Variants in GRID2 observed in about 807,000 individuals in gnomAD.
GRID2 encodes glutamate ionotropic receptor delta type subunit 2, also known as glutamate receptor ionotropic, delta-2.
A neutral mutation model predicts 114.8 loss-of-function variants in GRID2; 33 were observed. The ratio of observed to expected loss-of-function variants is 0.29; its 90% confidence interval spans 0.22 to 0.38. The LOEUF (loss-of-function observed/expected upper bound fraction) is 0.38, where lower values mean the gene tolerates loss of function less well. Among genes scored for constraint, GRID2 ranks in the 10% least tolerant of loss-of-function variants. The probability of loss-of-function intolerance (pLI) is 1.00; values close to 1 mark genes in which losing one functional copy is unlikely to be tolerated. For synonymous variants in GRID2, 505 were observed against 449.9 expected (o/e 1.12, Z -1.55); for missense variants, 1,184 against 1,257.7 (o/e 0.94, Z 0.89).
chr4:93,449,277 T>G (rs1722454701), intron 10 of GRID2, among the ~76,000 whole-genome samples: 1 of 152,036 alleles, frequency 6.6e-6, no homozygotes, highest in Non-Finnish European at 1.5e-5. Flanking sequence ...ACTATTTTCC[T>G]TCTGCTTTCT....
At chr4:92,304,845 G>C (rs1375994919) in intron 1 of GRID2, 101 bp downstream of exon 1, 7 of 858,050 alleles carry the variant, frequency 8.2e-6, no homozygotes, top group Non-Finnish European at 1.4e-5. Flanking sequence ...TGTCTTGTTG[G>C]AGGTGGCTTC....
intron 2 of GRID2, among the ~76,000 whole-genome samples, chr4:92,612,811 TGTTA>T (rs929908898): frequency 4.0e-5 from 6 of 151,460 alleles, no homozygotes; most frequent in African/African-American, 7.3e-5. Flanking sequence ...CTCAATTGTT[TGTTA>T]AAGTTTTTGT....
At chr4:92,545,723 T>C (rs1010087081) in intron 1 of GRID2, among the ~76,000 whole-genome samples, 1 of 152,178 alleles carries the variant, frequency 6.6e-6, no homozygotes, top group Admixed American at 6.5e-5. Flanking sequence ...TTTCCATTTA[T>C]GTAACAGATA....
intron 14 of GRID2, among the ~76,000 whole-genome samples, chr4:93,637,445 A>G (rs1721512368): frequency 6.6e-6 from 1 of 152,168 alleles, no homozygotes; most frequent in African/African-American, 2.4e-5. Flanking sequence ...CCTGGCTCAT[A>G]TTCCCACAAG....
intron 2 of GRID2, among the ~76,000 whole-genome samples, chr4:93,044,255 A>G (rs1169005929): frequency 1.3e-5 from 2 of 152,176 alleles, no homozygotes; most frequent in African/African-American, 4.8e-5. Context: ...ACAATCTTCA[A>G]GAACAGAAAC....
At chr4:93,790,421 T>C (rs559740226) in intron 1 of GRID2, among the ~76,000 whole-genome samples, 1 of 152,210 alleles carries the variant, frequency 6.6e-6, no homozygotes, top group Non-Finnish European at 1.5e-5. Context: ...TTACAAAAAG[T>C]TCATTTCCAG....
chr4:92,942,385 T>C (rs1214599199), intron 2 of GRID2, among the ~76,000 whole-genome samples: 5 of 152,210 alleles, frequency 3.3e-5, no homozygotes, highest in East Asian at 1.9e-4. Context: ...GAGACTAGGA[T>C]TGCAACTCCT....
At chr4:93,588,811 G>T (rs1313301347) in intron 13 of GRID2, among the ~76,000 whole-genome samples, 1 of 152,064 alleles carries the variant, frequency 6.6e-6, no homozygotes, top group Non-Finnish European at 1.5e-5. Context: ...TTGTAATGTG[G>T]ATTTTTTTTA....
chr4:92,592,196 A>G (rs923968661), intron 2 of GRID2, among the ~76,000 whole-genome samples: 11 of 152,092 alleles, frequency 7.2e-5, no homozygotes, highest in Non-Finnish European at 8.8e-5. Context: ...CTTATTTGTA[A>G]GGACCAGAAT....
intron 2 of GRID2, among the ~76,000 whole-genome samples, chr4:92,876,095 T>G (rs2149451379): frequency 6.6e-6 from 1 of 152,136 alleles, no homozygotes; most frequent in South Asian, 2.1e-4. Flanking sequence ...ATTAAAATTC[T>G]AATATTTTTG....
At chr4:93,113,132 G>T (rs1732924888) in intron 4 of GRID2, among the ~76,000 whole-genome samples, 1 of 152,188 alleles carries the variant, frequency 6.6e-6, no homozygotes, top group African/African-American at 2.4e-5. Context: ...TGTAAAATTT[G>T]AGCTAGCAGT....
chr4:93,289,316 T>G (rs1395901159), intron 8 of GRID2, among the ~76,000 whole-genome samples: 1 of 151,616 alleles, frequency 6.6e-6, no homozygotes, highest in Non-Finnish European at 1.5e-5. Flanking sequence ...GGACTAAATA[T>G]TTCTCCTGTC....
intron 1 of GRID2, among the ~76,000 whole-genome samples, chr4:92,439,353 T>G (rs1051190806): frequency 3.3e-5 from 5 of 152,162 alleles, no homozygotes; most frequent in Non-Finnish European, 5.9e-5. Context: ...TGGGCGTATA[T>G]GTGCAAGTCA....
chr4:93,055,266 A>AC (rs1727115866), intron 2 of GRID2, among the ~76,000 whole-genome samples: 1 of 150,194 alleles, frequency 6.7e-6, no homozygotes, highest in Non-Finnish European at 1.5e-5. Flanking sequence ...ACAAAGTTCC[A>AC]CCCCTCTCTC....
rs369490539 is a variant in GRID2, at chr4:93,157,040, CTG to C, written c.735+46091_735+46092del. 4.3e-3 allele frequency among the ~76,000 whole-genome samples: 648 copies of C among 151,888 alleles called. 8 individuals are homozygous for C. Among genetic ancestry groups the C allele is most frequent in the African/African-American group, 0.015 (625 of 41,504 alleles). ...ACAGAGCACAAACAAAAGAATGAGACTGTGTCCTGCACTCTATTTTTCTTTTA... is the reference window on the plus strand; with the variant it reads ...ACAGAGCACAAACAAAAGAATGAGACTGTCCTGCACTCTATTTTTCTTTTA... On this transcript the variant is annotated intron_variant, in intron 4 of 15. Coordinates refer to ENST00000282020, the MANE Select transcript of GRID2 (RefSeq NM_001510.4).
At chr4:92,580,876 C>T (rs1402001045) in intron 1 of GRID2, among the ~76,000 whole-genome samples, 1 of 142,882 alleles carries the variant, frequency 7.0e-6, no homozygotes, top group Non-Finnish European at 1.5e-5. Flanking sequence ...ACCTTATCAG[C>T]TTTTTGCCTA....
At chr4:92,807,238 A>AT (rs1740463781) in intron 2 of GRID2, among the ~76,000 whole-genome samples, 1 of 151,994 alleles carries the variant, frequency 6.6e-6, no homozygotes, top group Admixed American at 6.6e-5. Flanking sequence ...CTACTGCACC[A>AT]TTTTTTAAAT....
At chr4:93,261,503 A>C (rs1358318471) in intron 8 of GRID2, among the ~76,000 whole-genome samples, 1 of 151,842 alleles carries the variant, frequency 6.6e-6, no homozygotes, top group Non-Finnish European at 1.5e-5. Context: ...CAGGGAAACC[A>C]GGAAATAATA....
chr4:92,583,053 A>G (rs948659652), intron 1 of GRID2, among the ~76,000 whole-genome samples: 1 of 152,024 alleles, frequency 6.6e-6, no homozygotes, highest in Non-Finnish European at 1.5e-5. Flanking sequence ...ATTTGTTTTA[A>G]TGTATATATT....
Sources: gnomAD v4.1 joint callset for allele counts (sites outside exome capture counted in the v4.1 genomes callset) on GRCh38, gnomAD v4.1.1 for gene constraint, MANE v1.5 for transcripts, NCBI Gene and HGNC (gene_info 2026-07-23, HGNC 2026-07-21) for gene names.